Variants in PCSK5 observed in about 807,000 individuals in gnomAD.
PCSK5 encodes the protein proprotein convertase subtilisin/kexin type 5.
A neutral mutation model predicts 233.2 loss-of-function variants in PCSK5; 129 were observed. The ratio of observed to expected loss-of-function variants is 0.55; its 90% CI spans 0.48 to 0.64. The LOEUF is 0.64. Among genes scored for constraint, PCSK5 ranks in the 30% least tolerant of loss-of-function variants. The pLI is 0.00. For synonymous variants in PCSK5, 825 were observed against 879.2 expected (o/e 0.94, Z 1.09); for missense variants, 2,076 against 2,430.1 (o/e 0.85, Z 3.06).
At chr9:76,115,311 G>A (rs1206599719) in intron 9 of PCSK5, among the ~76,000 whole-genome samples, 2 of 152,046 alleles carry the variant, frequency 1.3e-5, no homozygotes, top group Non-Finnish European at 2.9e-5. Context: ...CCTACCCGGA[G>A]ATCATGATTG....
rs539170386 is a variant in PCSK5, at chr9:76,331,645, C to T, written c.4571-788C>T. 1.8e-3 allele frequency among the ~76,000 whole-genome samples: 254 copies of T among 142,950 alleles called. 3 individuals are homozygous for T. Among genetic ancestry groups the T allele is most frequent in the South Asian group, 0.012 (56 of 4,518 alleles). 93.8% of individuals were successfully genotyped at this position (142,950 alleles called of 152,430 possible). ...TTGTGCCACTGCACTCCAGCCTGGG[C>T]GACAGAGTGAGACTCCATCTCAAAA... On this transcript the variant is annotated intron_variant, in intron 33 of 37. Transcript: ENST00000674117.
intron 24 of PCSK5, among the ~76,000 whole-genome samples, chr9:76,273,421 C>T (rs922363375): frequency 2.6e-5 from 4 of 151,898 alleles, no homozygotes; most frequent in African/African-American, 9.7e-5. Flanking sequence ...CTTTCATCCA[C>T]CAAATTTCAT....
chr9:76,229,066 G>A (rs1341133568), intron 21 of PCSK5, among the ~76,000 whole-genome samples: 1 of 152,162 alleles, frequency 6.6e-6, no homozygotes, highest in Non-Finnish European at 1.5e-5. Context: ...AAGGACCGAA[G>A]AAGACACAAA....
At chr9:76,311,472 G>A (rs1488748413) in intron 30 of PCSK5, among the ~76,000 whole-genome samples, 1 of 152,036 alleles carries the variant, frequency 6.6e-6, no homozygotes, top group Non-Finnish European at 1.5e-5. Context: ...TTAAATAGGT[G>A]AGGCATGAAT....
At chr9:75,945,410 AT>A (rs1824520567) in intron 2 of PCSK5, among the ~76,000 whole-genome samples, 1 of 151,950 alleles carries the variant, frequency 6.6e-6, no homozygotes, top group Non-Finnish European at 1.5e-5. Flanking sequence ...CACCACTAAC[AT>A]TTATCTTGCA....
chr9:76,122,647 C>T (rs376926353), intron 9 of PCSK5, among the ~76,000 whole-genome samples: 1 of 151,860 alleles, frequency 6.6e-6, no homozygotes, highest in South Asian at 2.1e-4. Context: ...TCATTACAAA[C>T]TCTTAAGTTG....
At chr9:75,902,957 A>G (rs1002812772) in intron 1 of PCSK5, among the ~76,000 whole-genome samples, 3 of 152,240 alleles carry the variant, frequency 2.0e-5, no homozygotes, top group Non-Finnish European at 4.4e-5. Flanking sequence ...ATGTAAAACC[A>G]GGACACAATA....
intron 20 of PCSK5, among the ~76,000 whole-genome samples, chr9:76,225,421 C>G (rs918831592): frequency 1.3e-5 from 2 of 152,106 alleles, no homozygotes; most frequent in African/African-American, 4.8e-5. Context: ...CATTCTTGTT[C>G]CACTCAGCAT....
intron 12 of PCSK5, among the ~76,000 whole-genome samples, chr9:76,160,644 A>G (rs1822813489): frequency 6.6e-6 from 1 of 152,236 alleles, no homozygotes; most frequent in Admixed American, 6.5e-5. Flanking sequence ...TGCACGGCCA[A>G]CAGTGAGACC....
At chr9:76,269,868 G>A (rs1827453997) in intron 24 of PCSK5, among the ~76,000 whole-genome samples, 1 of 152,198 alleles carries the variant, frequency 6.6e-6, no homozygotes, top group Non-Finnish European at 1.5e-5. Context: ...AACCTAGAGG[G>A]AAAGGATAGA....
At chr9:75,978,607 A>G (rs1826127762) in intron 2 of PCSK5, among the ~76,000 whole-genome samples, 1 of 152,216 alleles carries the variant, frequency 6.6e-6, no homozygotes, top group Admixed American at 6.5e-5. Flanking sequence ...CAGTAGGTGT[A>G]AAGATCACAC....
intron 24 of PCSK5, among the ~76,000 whole-genome samples, chr9:76,246,627 G>C (rs1431150332): frequency 6.6e-6 from 1 of 152,176 alleles, no homozygotes; most frequent in East Asian, 1.9e-4. Context: ...TATTCACCAT[G>C]CTATTTATTG....
chr9:76,119,932 TC>T (rs1487941383), intron 9 of PCSK5, among the ~76,000 whole-genome samples: 1 of 151,870 alleles, frequency 6.6e-6, no homozygotes, highest in African/African-American at 2.4e-5. Context: ...CATTTCTACC[TC>T]CCCCCAGCAC....
intron 20 of PCSK5, among the ~76,000 whole-genome samples, chr9:76,202,543 T>C (rs1824956019): frequency 6.6e-6 from 1 of 152,168 alleles, no homozygotes; most frequent in Non-Finnish European, 1.5e-5. Flanking sequence ...TAAACTTAGC[T>C]CACAACATTC....
chr9:75,983,937 C>T (rs1295843440), intron 2 of PCSK5, among the ~76,000 whole-genome samples: 1 of 152,094 alleles, frequency 6.6e-6, no homozygotes, highest in Non-Finnish European at 1.5e-5. Context: ...GGGCTATATA[C>T]ACATACCCGT....
At chr9:75,952,590 A>G (rs895302994) in intron 2 of PCSK5, among the ~76,000 whole-genome samples, 8 of 152,072 alleles carry the variant, frequency 5.3e-5, no homozygotes, top group Admixed American at 2.0e-4. Flanking sequence ...CCTCCCACCA[A>G]AAATTCTCAT....
At chr9:76,046,155 C>CTTTTTTTTTT (rs1829362984) in intron 5 of PCSK5, among the ~76,000 whole-genome samples, 2 of 55,700 alleles carry the variant, frequency 3.6e-5, no homozygotes, top group African/African-American at 5.2e-5. Context: ...ATAATTTTTT[C>CTTTTTTTTTT]TTTTGTTTTT....
chr9:75,960,851 C>A (rs1825320732), intron 2 of PCSK5, among the ~76,000 whole-genome samples: 1 of 152,206 alleles, frequency 6.6e-6, no homozygotes, highest in Admixed American at 6.5e-5. Context: ...ACCAGGGCAA[C>A]AGGCTTGAGT....
chr9:76,323,334 TCCAGCCCCAGCC>T (rs764136493), intron 32 of PCSK5, 46 bp downstream of exon 32: 1 of 1,118,550 alleles, frequency 8.9e-7, no homozygotes, highest in Non-Finnish European at 1.3e-6. Context: ...TTTGCATAGT[TCCAGCCCCAGCC>T]CCAGCGCCAG....
Sources: allele counts gnomAD v4.1 joint callset (sites outside exome capture counted in the v4.1 genomes callset), GRCh38; gene constraint gnomAD v4.1.1; transcripts MANE v1.5; gene names NCBI Gene and HGNC (gene_info 2026-07-23, HGNC 2026-07-21).